Variants in TPD52L1 observed in about 807,000 individuals in gnomAD.
TPD52L1 encodes TPD52 like 1, also known as tumor protein D53.
Under a neutral mutation model 28.7 loss-of-function variants are expected in TPD52L1, and 18 were observed. That is an observed-to-expected ratio of 0.63 (90% CI 0.43 to 0.93). TPD52L1 has a LOEUF of 0.93. TPD52L1 is among the 40% of genes least tolerant of loss of function. TPD52L1 has a pLI of 0.00. For synonymous variants in TPD52L1, 75 were observed against 88.8 expected (o/e 0.84, Z 0.88); for missense variants, 203 against 254.8 (o/e 0.80, Z 1.39).
At chr6:125,219,964 T>A (rs765527877) in intron 1 of TPD52L1, 114 bp from the exon 2 acceptor site, 1 of 774,696 alleles carries the variant, frequency 1.3e-6, no homozygotes, top group African/African-American at 1.7e-5. Context: ...GAATTTTTAG[T>A]TGTTTTTTGG....
At chr6:125,260,814 A>T in intron 6 of TPD52L1, among the ~76,000 whole-genome samples, 1 of 146,862 alleles carries the variant, frequency 6.8e-6, no homozygotes, top group Admixed American at 7.1e-5. Context: ...TCAAAAAAAG[A>T]AAGAAAGAAG....
chr6:125,238,713 G>A (rs1262375687), intron 3 of TPD52L1, among the ~76,000 whole-genome samples: 3 of 152,024 alleles, frequency 2.0e-5, no homozygotes, highest in Non-Finnish European at 4.4e-5. Context: ...ATGGTATGTA[G>A]GAATATATAT....
Position 125,215,487 on chromosome 6 carries a change from T to C in TPD52L1, c.20-4591T>C, listed in dbSNP as rs537400095. ...GGACAAGATGTAACAGGGAAAAATA[T>C]GTGCCTAGGTAGAGAAAGGATGAGG... is the stretch of plus-strand genomic sequence containing the variant. On this transcript the variant is annotated intron_variant, in intron 1 of 6. Coordinates refer to ENST00000534000, the MANE Select transcript of TPD52L1 (RefSeq NM_003287.4). Among the ~76,000 whole-genome samples, 3 of 152,326 alleles carry C rather than the reference T, an allele frequency of 2.0e-5. No homozygotes were observed. The South Asian group carries it at 6.2e-4, about 32-fold the overall frequency.
intron 1 of TPD52L1, among the ~76,000 whole-genome samples, chr6:125,195,984 A>G (rs967349562): frequency 1.8e-4 from 27 of 152,210 alleles, no homozygotes; most frequent in African/African-American, 5.8e-4. Context: ...GACCTAGAAT[A>G]GTGCTGAGCT....
intron 1 of TPD52L1, among the ~76,000 whole-genome samples, chr6:125,217,901 T>C (rs1794987227): frequency 6.6e-6 from 1 of 152,216 alleles, no homozygotes; most frequent in Admixed American, 6.5e-5. Context: ...GTTTTATCCA[T>C]GTGGTGTGTA....
At chr6:125,243,173 G>T (rs972699477) in intron 3 of TPD52L1, among the ~76,000 whole-genome samples, 1 of 152,164 alleles carries the variant, frequency 6.6e-6, no homozygotes, top group African/African-American at 2.4e-5. Flanking sequence ...TGATAAACCA[G>T]CTGTTAATCT....
At chr6:125,161,974 A>G (rs1329009214) in intron 1 of TPD52L1, among the ~76,000 whole-genome samples, 3 of 152,192 alleles carry the variant, frequency 2.0e-5, no homozygotes, top group Admixed American at 6.6e-5. Flanking sequence ...GCAGTGAGGT[A>G]TGTCTCTAAC....
At chr6:125,260,958 AAG>A (rs1797920973) in intron 6 of TPD52L1, 1 of 41,074 alleles carries the variant, frequency 2.4e-5, no homozygotes, top group African/African-American at 2.6e-4. Flanking sequence ...GAAAGAAAGA[AAG>A]AAAGAAAGAA....
At position 125,252,058 on chromosome 6, in the gene TPD52L1, G is replaced by A. The variant is rs1267757610; in HGVS notation, c.387-1659G>A. On this transcript the variant is annotated intron_variant, in intron 4 of 6. Coordinates refer to ENST00000534000, the MANE Select transcript of TPD52L1 (RefSeq NM_003287.4). ...TCGGGTAAGCGCCACAGGGCTGCGT[G>A]TGGGGCTTTCCCCACTCCCTTGCTG... The A allele has an allele frequency of 7.2e-6, 11 of 1,535,962 alleles. No homozygotes were observed. The Admixed American group carries it at 7.8e-5, about 11-fold the overall frequency.
rs150120709 is a variant in TPD52L1 at position 125,262,845 on chromosome 6, C to A, written c.498C>A (p.Gly166=). 6.2e-7 allele frequency: 1 copy of A among 1,612,802 alleles called. No individual in the cohort carries two copies. The highest frequency in any genetic ancestry group is 1.1e-5 in the South Asian group (1 of 90,764). The change falls in exon 7 of 7, where the codon GGC becomes GGA. Residue 166 remains glycine, a synonymous_variant. Transcript: ENST00000534000. ...TTVTSLKTKV[G]GTNPNGGSFE... Reference sequence around the variant, plus strand: ...TCTGCTCATTTCAGACGAAAGTAGGCGGTACGAACCCTAATGGAGGCAGTT... The same window carrying A: ...TCTGCTCATTTCAGACGAAAGTAGGAGGTACGAACCCTAATGGAGGCAGTT...
chr6:125,181,356 T>C (rs1283316376), intron 1 of TPD52L1, among the ~76,000 whole-genome samples: 1 of 152,004 alleles, frequency 6.6e-6, no homozygotes. Flanking sequence ...CCAAGAAACA[T>C]TTACGCCAGG....
chr6:125,247,443 G>C (rs773071955), intron 3 of TPD52L1, among the ~76,000 whole-genome samples: 1 of 151,956 alleles, frequency 6.6e-6, no homozygotes, highest in African/African-American at 2.4e-5. Context: ...ACAACCTTTG[G>C]TCTTGCTCTT....
chr6:125,179,470 C>T (rs375380516), intron 1 of TPD52L1, among the ~76,000 whole-genome samples: 20 of 152,310 alleles, frequency 1.3e-4, no homozygotes, highest in African/African-American at 4.6e-4. Context: ...AAAGCACTGT[C>T]TAAACTAAGA....
intron 3 of TPD52L1, among the ~76,000 whole-genome samples, chr6:125,233,063 G>A (rs1796044403): frequency 6.6e-6 from 1 of 152,016 alleles, no homozygotes; most frequent in Admixed American, 6.6e-5. Context: ...CAAAGCAGTG[G>A]GCTTCATGTA....
At chr6:125,173,967 A>C (rs1203624381) in intron 1 of TPD52L1, among the ~76,000 whole-genome samples, 1 of 152,202 alleles carries the variant, frequency 6.6e-6, no homozygotes, top group Non-Finnish European at 1.5e-5. Flanking sequence ...CAAAGAGCCT[A>C]CATGTTGTCA....
intron 2 of TPD52L1, among the ~76,000 whole-genome samples, chr6:125,226,532 T>TA (rs1315261694): frequency 6.6e-6 from 1 of 152,100 alleles, no homozygotes; most frequent in African/African-American, 2.4e-5. Context: ...TGGGGCTCCA[T>TA]GGCTATGAGG....
chr6:125,219,283 C>T (rs1211152970), intron 1 of TPD52L1, among the ~76,000 whole-genome samples: 1 of 152,120 alleles, frequency 6.6e-6, no homozygotes, highest in Non-Finnish European at 1.5e-5. Context: ...AATAAGAAGT[C>T]ATTTATCTCA....
At chr6:125,187,929 T>A (rs1376909347) in intron 1 of TPD52L1, among the ~76,000 whole-genome samples, 1 of 94,236 alleles carries the variant, frequency 1.1e-5, no homozygotes, top group African/African-American at 3.5e-5. Flanking sequence ...TAAACTGAGA[T>A]TTTTTTTTTT....
At chr6:125,191,990 A>G (rs995772788) in intron 1 of TPD52L1, among the ~76,000 whole-genome samples, 21 of 152,248 alleles carry the variant, frequency 1.4e-4, no homozygotes, top group African/African-American at 4.1e-4. Flanking sequence ...GGACCCTGAC[A>G]TATCTACTAA....
Sources: allele counts gnomAD v4.1 joint callset (sites outside exome capture counted in the v4.1 genomes callset), GRCh38; gene constraint gnomAD v4.1.1; transcripts MANE v1.5; gene names NCBI Gene and HGNC (gene_info 2026-07-23, HGNC 2026-07-21).